PCDHGC3: variants seen among roughly 807,000 people sequenced by gnomAD.
PCDHGC3 encodes protocadherin gamma-C3.
A neutral mutation model predicts 59.2 loss-of-function variants in PCDHGC3; 26 were observed. The observed-to-expected ratio is 0.44, with a 90% CI of 0.32 to 0.61. The LOEUF (loss-of-function observed/expected upper bound fraction) is 0.61. PCDHGC3 is among the 20% of genes least tolerant of loss of function. The probability of loss-of-function intolerance (pLI) is 0.05; values close to 1 mark genes in which losing one functional copy is unlikely to be tolerated. For synonymous variants in PCDHGC3, 487 were observed against 519.7 expected (o/e 0.94, Z 0.86); for missense variants, 1,080 against 1,221.8 (o/e 0.88, Z 1.73).
At chr5:141,478,618 G>A (rs1374855853) in intron 1 of PCDHGC3, 72 bp downstream of exon 1, 1 of 1,556,056 alleles carries the variant, frequency 6.4e-7, no homozygotes, top group Non-Finnish European at 8.7e-7. Flanking sequence ...GGAAGGAATG[G>A]AGCTGTTTTT....
In PCDHGC3 at chr5:141,485,972, T is replaced by G; in HGVS notation, c.2430+7426T>G. ...CATGGTGCTCATCCAGCTCAATGCC[T>G]CAGACCCGGACCTGGGTCCCAGTGG... On this transcript the variant is annotated intron_variant, in intron 1 of 3. Transcript: ENST00000308177. The surrounding 1 kb of genome is among the most constrained non-coding windows in gnomAD (Gnocchi z 5.7). 1 of 1,614,184 alleles carries G rather than the reference T, an allele frequency of 6.2e-7. No individual in the cohort carries two copies. Among genetic ancestry groups the G allele is most frequent in the Non-Finnish European group, 8.5e-7 (1 of 1,180,022 alleles).
Position 141,490,480 on chromosome 5 carries a change from C to G in PCDHGC3, c.2431-4327C>G. On this transcript the variant is annotated intron_variant, in intron 1 of 3. Coordinates refer to ENST00000308177, the MANE Select transcript of PCDHGC3 (RefSeq NM_002588.4). This position sits in a 1 kb window ranked among gnomAD's most constrained non-coding sequence, Gnocchi z 5.4. The stretch of plus-strand genomic sequence containing the variant: ...GCTGCTAACCAGCCAGCCTTTGGAC[C>G]GGGAGGCCACATCCCACTATATCAT... 2.5e-6 allele frequency: 4 copies of G among 1,614,194 alleles called. No homozygotes were observed. The highest frequency in any genetic ancestry group is 3.4e-6 in the Non-Finnish European group (4 of 1,180,050).
chr5:141,482,728 A>T (rs192207285), intron 1 of PCDHGC3, among the ~76,000 whole-genome samples: 97 of 128,396 alleles, frequency 7.6e-4, no homozygotes, highest in Admixed American at 3.3e-3. Context: ...GGGCCATTGC[A>T]AGAAATTCCA....
At position 141,511,983 on chromosome 5, in the gene PCDHGC3, G is replaced by A. The variant is rs904146751; in HGVS notation, c.*810G>A. 6.5e-6 allele frequency: 1 copy of A among 153,280 alleles called. No homozygotes were observed. The highest frequency in any genetic ancestry group is 1.5e-5 in the Non-Finnish European group (1 of 68,572). The allele number at this position is 153,280 out of a possible 1,614,324, so 9.5% of individuals were successfully genotyped here. A position where few individuals can be genotyped will look rare whatever the true frequency, so the allele number is the denominator to read the frequency against. ...AGGGAAGTGTGTGGATGTGGATGGT[G>A]GGGGCATGGACAAAGCTTGACACAT... On this transcript the variant is annotated 3_prime_UTR_variant, in exon 4 of 4. Coordinates refer to ENST00000308177, the MANE Select transcript of PCDHGC3 (RefSeq NM_002588.4).
intron 1 of PCDHGC3, among the ~76,000 whole-genome samples, chr5:141,483,630 G>A (rs2099583876): frequency 6.7e-6 from 1 of 149,714 alleles, no homozygotes; most frequent in African/African-American, 2.5e-5. Flanking sequence ...ATGGGAGAAG[G>A]TATAGAGGGG....
At chr5:141,500,438 T>C (rs977844035) in intron 2 of PCDHGC3, among the ~76,000 whole-genome samples, 2 of 151,816 alleles carry the variant, frequency 1.3e-5, no homozygotes, top group African/African-American at 4.8e-5. Flanking sequence ...CTCGATCTCC[T>C]GACCTCGTGA....
chr5:141,510,472 G>A (rs1209464436), intron 3 of PCDHGC3, among the ~76,000 whole-genome samples: 7 of 152,102 alleles, frequency 4.6e-5, no homozygotes, highest in Non-Finnish European at 1.0e-4. Context: ...GGAGTCAGAG[G>A]CTCCCTTGAG....
chr5:141,476,091 G>A lies in PCDHGC3; in HGVS notation c.-26G>A. The A allele has an allele frequency of 2.6e-6, 4 of 1,563,192 alleles. No individual in the cohort carries two copies. The highest frequency in any genetic ancestry group is 3.5e-6 in the Non-Finnish European group (4 of 1,159,278). On this transcript the variant is annotated 5_prime_UTR_variant, in exon 1 of 4. Transcript: ENST00000308177. The surrounding 1 kb of genome is among the most constrained non-coding windows in gnomAD (Gnocchi z 7.6). ...AAATCTCAGGGACGATCTGGACCCCGCTGAGAGGAACTGCTTTTGAGTGAG... is the reference window on the plus strand; with the variant it reads ...AAATCTCAGGGACGATCTGGACCCCACTGAGAGGAACTGCTTTTGAGTGAG...
At chr5:141,510,917 C>G in intron 3 of PCDHGC3, 30 bp from the exon 4 acceptor site, 1 of 1,613,854 alleles carries the variant, frequency 6.2e-7, no homozygotes, top group Non-Finnish European at 8.5e-7. Flanking sequence ...CTAAGTTTAG[C>G]TCCCACCTGA....
intron 2 of PCDHGC3, among the ~76,000 whole-genome samples, chr5:141,497,977 G>A (rs1368982839): frequency 6.6e-6 from 1 of 152,216 alleles, no homozygotes; most frequent in Admixed American, 6.5e-5. Context: ...CTCGATGTGG[G>A]AGGCCCCTGC....
At chr5:141,501,238 G>A (rs1482962385) in intron 2 of PCDHGC3, among the ~76,000 whole-genome samples, 2 of 151,018 alleles carry the variant, frequency 1.3e-5, no homozygotes, top group African/African-American at 4.9e-5. Flanking sequence ...AGTTTTTTGA[G>A]CATGATGTAG....
chr5:141,501,164 G>C (rs991995325), intron 2 of PCDHGC3, among the ~76,000 whole-genome samples: 32 of 152,144 alleles, frequency 2.1e-4, no homozygotes, highest in African/African-American at 7.7e-4. Context: ...ACCATCCCCA[G>C]CCTCATTTAC....
chr5:141,478,920 C>T lies in PCDHGC3; in HGVS notation c.2430+374C>T, dbSNP rs559060283. On this transcript the variant is annotated intron_variant, in intron 1 of 3. Transcript: ENST00000308177. Reference sequence around the variant, plus strand: ...GGAATAAGCTGCTGGATACCTCTAACCAGTGGCAGCTTCTAGGAATACAAA... The same window carrying T: ...GGAATAAGCTGCTGGATACCTCTAATCAGTGGCAGCTTCTAGGAATACAAA... 608 of 728,392 alleles carry T rather than the reference C, an allele frequency of 8.3e-4. 2 individuals are homozygous for T. The highest frequency in any genetic ancestry group is 1.2e-3 in the South Asian group (55 of 44,196). 45.1% of individuals were successfully genotyped at this position (728,392 alleles called of 1,614,324 possible).
chr5:141,490,338 C>A lies in PCDHGC3; in HGVS notation c.2431-4469C>A, dbSNP rs1408559629. Reference sequence around the variant, plus strand: ...CTGTCCTAGAGAGCACACCAGTGGGCACAGTAGTGGGGTTGTTTAATGTGC... The same window carrying A: ...CTGTCCTAGAGAGCACACCAGTGGGAACAGTAGTGGGGTTGTTTAATGTGC... On this transcript the variant is annotated intron_variant, in intron 1 of 3. Coordinates refer to ENST00000308177, the MANE Select transcript of PCDHGC3 (RefSeq NM_002588.4). This position sits in a 1 kb window ranked among gnomAD's most constrained non-coding sequence, Gnocchi z 5.4. 6.2e-7 allele frequency: 1 copy of A among 1,614,184 alleles called. No homozygotes were observed. The highest frequency in any genetic ancestry group is 1.7e-5 in the Admixed American group (1 of 60,032).
chr5:141,483,007 C>G (rs938404755), intron 1 of PCDHGC3, among the ~76,000 whole-genome samples: 1 of 152,140 alleles, frequency 6.6e-6, no homozygotes, highest in South Asian at 2.1e-4. Flanking sequence ...ATTGCTTGAA[C>G]CCGGGAGGCA....
At chr5:141,497,465 G>A (rs189158903) in intron 2 of PCDHGC3, among the ~76,000 whole-genome samples, 1 of 152,024 alleles carries the variant, frequency 6.6e-6, no homozygotes, top group East Asian at 1.9e-4. Flanking sequence ...TTGGAGATAT[G>A]GAGGAGAAGG....
chr5:141,502,084 G>A (rs1438350526), intron 2 of PCDHGC3, among the ~76,000 whole-genome samples: 1 of 152,154 alleles, frequency 6.6e-6, no homozygotes, highest in African/African-American at 2.4e-5. Context: ...CTGGGGCTGA[G>A]AACACCTGGC....
intron 2 of PCDHGC3, 105 bp downstream of exon 2, chr5:141,494,970 C>T (rs1352514628): frequency 1.9e-6 from 3 of 1,584,974 alleles, no homozygotes; most frequent in East Asian, 4.6e-5. Context: ...GATGGCTTCT[C>T]CCTCAGTTTG....
In PCDHGC3 at chr5:141,489,993, C is replaced by T. The variant is rs1413894892; in HGVS notation, c.2431-4814C>T. 18 of 1,614,186 alleles carry T rather than the reference C, an allele frequency of 1.1e-5. No individual in the cohort carries two copies. The highest frequency in any genetic ancestry group is 1.5e-5 in the Non-Finnish European group (18 of 1,179,990). On this transcript the variant is annotated intron_variant, in intron 1 of 3. Transcript: ENST00000308177. The surrounding 1 kb of genome is among the most constrained non-coding windows in gnomAD (Gnocchi z 4.5). ...AATCCTCAGTTCTACGTGTGGGAAT[C>T]CCAGAGAATGCACCCATTGGTACTC...
Sources: gnomAD v4.1 joint callset for allele counts (sites outside exome capture counted in the v4.1 genomes callset) on GRCh38, gnomAD v4.1.1 for gene constraint, Gnocchi (gnomAD v3.1) non-coding constraint, MANE v1.5 for transcripts, NCBI Gene and HGNC (gene_info 2026-07-23, HGNC 2026-07-21) for gene names.